The following MAD1L1 variants were observed in gnomAD, a reference collection of about 807,000 sequenced individuals.
The protein encoded by MAD1L1 is mitotic spindle assembly checkpoint protein MAD1.
A neutral mutation model predicts 96.9 loss-of-function variants in MAD1L1; 95 were observed. The observed-to-expected ratio is 0.98, with a 90% confidence interval of 0.83 to 1.16. MAD1L1 has a LOEUF of 1.16. MAD1L1 is among the 50% of genes most tolerant of loss of function. The pLI, the probability that MAD1L1 is intolerant of heterozygous loss-of-function variation, is 0.00. For missense variants in MAD1L1, 1,007 were observed against 954.4 expected, an observed-to-expected ratio of 1.06 and a Z score of -0.73; for synonymous variants, 473 against 396.6, an observed-to-expected ratio of 1.19 and a Z score of -2.29.
chr7:1,917,624 C>A (rs915173127), intron 17 of MAD1L1, among the ~76,000 whole-genome samples: 1 of 152,230 alleles, frequency 6.6e-6, no homozygotes, highest in East Asian at 1.9e-4. Flanking sequence ...AGTTTACAGA[C>A]GTGCCAGAAA....
At chr7:1,996,414 C>A (rs1402557881) in intron 14 of MAD1L1, among the ~76,000 whole-genome samples, 1 of 152,242 alleles carries the variant, frequency 6.6e-6, no homozygotes, top group Non-Finnish European at 1.5e-5. Context: ...CTCAGCCTCC[C>A]ATGAGAAGCC....
chr7:1,884,963 T>A (rs1172713453), intron 18 of MAD1L1, among the ~76,000 whole-genome samples: 1 of 152,070 alleles, frequency 6.6e-6, no homozygotes, highest in Admixed American at 6.5e-5. Context: ...ATAGGCAAAG[T>A]TCATCTCAGC....
chr7:1,936,444 T>G (rs568824452), intron 17 of MAD1L1, among the ~76,000 whole-genome samples: 1 of 152,196 alleles, frequency 6.6e-6, no homozygotes, highest in East Asian at 1.9e-4. Flanking sequence ...TTTCAGCCCC[T>G]TGCTTCTCCA....
intron 17 of MAD1L1, among the ~76,000 whole-genome samples, chr7:1,912,730 C>G (rs1486414949): frequency 6.6e-6 from 1 of 152,218 alleles, no homozygotes; most frequent in Non-Finnish European, 1.5e-5. Flanking sequence ...CTCCCAGAGC[C>G]AGAAACACTC....
chr7:1,820,157 GA>G (rs1400060082), intron 18 of MAD1L1, among the ~76,000 whole-genome samples: 1 of 152,078 alleles, frequency 6.6e-6, no homozygotes, highest in East Asian at 1.9e-4. Context: ...TAAGTGCCTG[GA>G]AATTAAACAG....
chr7:1,876,493 C>T (rs1785393753), intron 18 of MAD1L1, among the ~76,000 whole-genome samples: 1 of 151,900 alleles, frequency 6.6e-6, no homozygotes, highest in South Asian at 2.1e-4. Context: ...GAGACACATG[C>T]TACAATACTT....
intron 15 of MAD1L1, among the ~76,000 whole-genome samples, chr7:1,975,810 C>T (rs997747864): frequency 1.3e-5 from 2 of 152,226 alleles, no homozygotes; most frequent in African/African-American, 4.8e-5. Context: ...GGGCCCCCAG[C>T]ACCTCCCGGG....
chr7:1,877,325 A>G (rs1785435675), intron 18 of MAD1L1, among the ~76,000 whole-genome samples: 1 of 151,982 alleles, frequency 6.6e-6, no homozygotes, highest in Admixed American at 6.6e-5. Context: ...ATGGCTCCCA[A>G]AGCCTAAAAT....
chr7:2,052,090 G>C (rs141778261), intron 12 of MAD1L1, among the ~76,000 whole-genome samples: 73 of 152,206 alleles, frequency 4.8e-4, no homozygotes, highest in Admixed American at 1.4e-3. Context: ...AGGAGCCCCC[G>C]GCAGGCCAAG....
chr7:1,997,893 G>T (rs558774520), intron 14 of MAD1L1, among the ~76,000 whole-genome samples: 16 of 152,332 alleles, frequency 1.1e-4, no homozygotes, highest in African/African-American at 3.8e-4. Flanking sequence ...CGGGAGCCCT[G>T]CGGCTCCAAA....
At chr7:2,013,968 G>A (rs1473875612) in intron 13 of MAD1L1, among the ~76,000 whole-genome samples, 1 of 152,216 alleles carries the variant, frequency 6.6e-6, no homozygotes, top group Non-Finnish European at 1.5e-5. Context: ...ACCTCTCCTG[G>A]GAGAACCCTG....
intron 3 of MAD1L1, among the ~76,000 whole-genome samples, chr7:2,229,652 G>A (rs1454066456): frequency 2.0e-5 from 3 of 152,198 alleles, no homozygotes; most frequent in African/African-American, 7.2e-5. Context: ...CCCCCAGGCA[G>A]TTTGGGTTCT....
chr7:1,899,662 G>A (rs1291492939), intron 17 of MAD1L1, among the ~76,000 whole-genome samples: 1 of 152,198 alleles, frequency 6.6e-6, no homozygotes, highest in Non-Finnish European at 1.5e-5. Flanking sequence ...GCCCCAGAAA[G>A]GGTGTGGGGT....
intron 15 of MAD1L1, among the ~76,000 whole-genome samples, chr7:1,967,268 C>T (rs1780207186): frequency 6.6e-6 from 1 of 152,194 alleles, no homozygotes; most frequent in Middle Eastern, 3.4e-3. Context: ...AGTCAGATGC[C>T]CATCTGCTAA....
At chr7:1,951,455 G>A (rs1394095565) in intron 16 of MAD1L1, among the ~76,000 whole-genome samples, 3 of 152,158 alleles carry the variant, frequency 2.0e-5, no homozygotes, top group Non-Finnish European at 4.4e-5. Flanking sequence ...GAAGCTGACC[G>A]CCATAACCAT....
At position 1,887,069 on chromosome 7, in the gene MAD1L1, C is replaced by A. The variant is rs140626002; in HGVS notation, c.1998+11131G>T. ...TGGCGCTTTGCATACCATGGGCCTTCACAGCCCTTGAAACACTCACTCAGG... is the reference window on the plus strand; with the variant it reads ...TGGCGCTTTGCATACCATGGGCCTTAACAGCCCTTGAAACACTCACTCAGG... On this transcript the variant is annotated intron_variant, in intron 18 of 18. Transcript: ENST00000265854. 7.1e-4 allele frequency among the ~76,000 whole-genome samples: 108 copies of A among 152,408 alleles called. 1 individual carries two copies. The highest frequency in any genetic ancestry group is 3.4e-3 in the Middle Eastern group (1 of 294).
At chr7:2,001,632 T>C (rs1456726509) in intron 14 of MAD1L1, among the ~76,000 whole-genome samples, 3 of 152,238 alleles carry the variant, frequency 2.0e-5, no homozygotes, top group African/African-American at 7.2e-5. Flanking sequence ...TCAGGACCCA[T>C]GCTGAGTGGC....
At chr7:1,912,560 T>C (rs796617931) in intron 17 of MAD1L1, among the ~76,000 whole-genome samples, 4 of 152,234 alleles carry the variant, frequency 2.6e-5, no homozygotes, top group African/African-American at 9.6e-5. Context: ...CTGCCGCCGA[T>C]GCATCAGAGC....
chr7:2,012,619 G>C (rs1262242421), intron 13 of MAD1L1, among the ~76,000 whole-genome samples: 1 of 152,218 alleles, frequency 6.6e-6, no homozygotes, highest in Non-Finnish European at 1.5e-5. Context: ...AGAGGGGGCA[G>C]GGCATCAGAA....
Sources: gnomAD v4.1 joint callset for allele counts (sites outside exome capture counted in the v4.1 genomes callset) on GRCh38, gnomAD v4.1.1 for gene constraint, MANE v1.5 for transcripts, NCBI Gene and HGNC (gene_info 2026-07-23, HGNC 2026-07-21) for gene names.